Variants in RHBDF2 observed in about 807,000 individuals in gnomAD.
The protein encoded by RHBDF2 is rhomboid 5 homolog 2.
In RHBDF2, 38 loss-of-function variants were observed where a neutral mutation model predicts 95.2. The ratio of observed to expected loss-of-function variants is 0.40; its 90% CI spans 0.31 to 0.52. The LOEUF (loss-of-function observed/expected upper bound fraction) is 0.52. Among genes scored for constraint, RHBDF2 ranks in the 20% least tolerant of loss-of-function variants. The probability of loss-of-function intolerance (pLI) is 0.56; values close to 1 mark genes in which losing one functional copy is unlikely to be tolerated. For synonymous variants in RHBDF2, 442 were observed against 462.0 expected (o/e 0.96, Z 0.55); for missense variants, 863 against 1,137.7 (o/e 0.76, Z 3.47).
Position 76,472,703 on chromosome 17 carries a change from G to C in RHBDF2, c.2047C>G (p.Leu683Val). 6.2e-7 allele frequency: 1 copy of C among 1,614,108 alleles called. No homozygotes were observed. The highest frequency in any genetic ancestry group is 8.5e-7 in the Non-Finnish European group (1 of 1,180,030). The change falls in exon 18 of 19, where the codon CTC becomes GTC. Residue 683 changes from leucine (L) to valine (V), a missense_variant. Around this residue, in one of 2 missense-constraint regions of RHBDF2, gnomAD observed 252 missense variants for 412.2 expected, o/e 0.61. Coordinates refer to ENST00000675367, the MANE Select transcript of RHBDF2 (RefSeq NM_001005498.4). Reference protein sequence around the residue: ...ITGNLASAIFLPYRAEVGPAG... With the variant: ...ITGNLASAIFVPYRAEVGPAG... Reference sequence around the variant, plus strand: ...ATCCTTACCTCTGCCCGGTATGGGAGAAAGATGGCACTGGCGAGGTTGCCT... The same window carrying C: ...ATCCTTACCTCTGCCCGGTATGGGACAAAGATGGCACTGGCGAGGTTGCCT...
chr17:76,499,408 A>G (rs553659050), intron 1 of RHBDF2, among the ~76,000 whole-genome samples: 2 of 152,238 alleles, frequency 1.3e-5, no homozygotes, highest in African/African-American at 4.8e-5. Context: ...CTGGAAGTAC[A>G]TTCCTCCAGC....
At position 76,479,802 on chromosome 17, in the gene RHBDF2, C is replaced by T. The variant is rs200821841; in HGVS notation, c.203G>A (p.Arg68Gln). 1.3e-4 allele frequency: 210 copies of T among 1,613,246 alleles called. No individual in the cohort carries two copies. The highest frequency in any genetic ancestry group is 6.7e-4 in the East Asian group (30 of 44,806). ...KSVSLQEPRS[R>Q]WQESSEKRPG... The stretch of plus-strand genomic sequence containing the variant: ...GCGCTTCTCTGAACTCTCCTGCCAT[C>T]GGCTGCGTGGCTCCTGGAGGCTGAC... Residue 68 changes from arginine to glutamine, a missense_variant, in exon 4 of 19, where the codon CGA becomes CAA. This residue lies in a region of RHBDF2 where 611 missense variants were observed against 725.5 expected (regional missense o/e 0.84). Coordinates refer to ENST00000675367, the MANE Select transcript of RHBDF2 (RefSeq NM_001005498.4).
chr17:76,497,024 G>A (rs1255008555), intron 1 of RHBDF2, among the ~76,000 whole-genome samples: 1 of 152,186 alleles, frequency 6.6e-6, no homozygotes, highest in Non-Finnish European at 1.5e-5. Context: ...GCCTCCCAAA[G>A]TGCTGGGATT....
At position 76,473,919 on chromosome 17, in the gene RHBDF2, G is replaced by A; in HGVS notation, c.1575-17C>T. ...TCGCAGGTCCTGGAGACAGGGTTCA[G>A]ATTGGGCTGTGGCACACCCAGCGTG... On this transcript the variant is annotated splice_polypyrimidine_tract_variant and intron_variant, in intron 13 of 18. Coordinates refer to ENST00000675367, the MANE Select transcript of RHBDF2 (RefSeq NM_001005498.4). 1 of 1,613,754 alleles carries A rather than the reference G, an allele frequency of 6.2e-7. No individual in the cohort carries two copies. The highest frequency in any genetic ancestry group is 8.5e-7 in the Non-Finnish European group (1 of 1,179,872).
At position 76,474,257 on chromosome 17, in the gene RHBDF2, C is replaced by T. The variant is rs2073689786; in HGVS notation, c.1465-115G>A. ...AGGGCTCAGTCTCATCTATGGGGGT[C>T]TGGGAAAGGTGGGGCGGGGAGGAGG... On this transcript the variant is annotated intron_variant, in intron 12 of 18. Transcript: ENST00000675367. 5.1e-6 allele frequency: 7 copies of T among 1,372,390 alleles called. No individual in the cohort carries two copies. The Admixed American group carries it at 1.2e-4, about 24-fold the overall frequency. The allele number at this position is 1,372,390 out of a possible 1,614,324, so 85.0% of individuals were successfully genotyped here.
Position 76,476,927 on chromosome 17 carries a change from A to G in RHBDF2, c.1018T>C (p.Tyr340His). 1 of 1,613,898 alleles carries G rather than the reference A, an allele frequency of 6.2e-7. No individual in the cohort carries two copies. Among genetic ancestry groups the G allele is most frequent in the Non-Finnish European group, 8.5e-7 (1 of 1,180,020 alleles). Reference sequence around the variant, plus strand: ...CAGTTGCCCACCACGCCGAGGCCGTAGTGCCGCTTCTTCCGATCAAAGGCA... The same window carrying G: ...CAGTTGCCCACCACGCCGAGGCCGTGGTGCCGCTTCTTCCGATCAAAGGCA... ...HFAFDRKKRH[Y>H]GLGVVGNWLN... Residue 340 changes from tyrosine to histidine, a missense_variant, in exon 9 of 19, where the codon TAC becomes CAC. Physicochemically the swap from Tyr to His is moderately conservative, Grantham distance 83. Transcript: ENST00000675367.
chr17:76,488,048 C>CTT (rs1252836485), intron 1 of RHBDF2, 139 bp from the exon 2 acceptor site: 1 of 152,266 alleles, frequency 6.6e-6, no homozygotes, highest in Non-Finnish European at 1.5e-5. Context: ...GCTAATCAGG[C>CTT]ATCTCCGAGT....
At chr17:76,477,079 C>T in intron 8 of RHBDF2, 55 bp from the exon 9 acceptor site, 1 of 1,611,644 alleles carries the variant, frequency 6.2e-7, no homozygotes, top group South Asian at 1.1e-5. Flanking sequence ...CTCCCAGACC[C>T]CACCAGGGTG....
At position 76,474,810 on chromosome 17, in the gene RHBDF2, G is replaced by A. The variant is rs748331992; in HGVS notation, c.1228-6C>T. Reference sequence around the variant, plus strand: ...ACACCTTTGTTCCGCAGCACCTATCGTGGAGGTAGCACAGAGGAGGGCGTC... The same window carrying A: ...ACACCTTTGTTCCGCAGCACCTATCATGGAGGTAGCACAGAGGAGGGCGTC... On this transcript the variant is annotated splice_polypyrimidine_tract_variant and splice_region_variant and intron_variant, in intron 10 of 18. Transcript: ENST00000675367. 1.5e-5 allele frequency: 25 copies of A among 1,613,076 alleles called. No individual in the cohort carries two copies. The highest frequency in any genetic ancestry group is 2.2e-5 in the East Asian group (1 of 44,858).
chr17:76,498,121 G>A (rs1598177341), intron 1 of RHBDF2, among the ~76,000 whole-genome samples: 1 of 152,182 alleles, frequency 6.6e-6, no homozygotes, highest in African/African-American at 2.4e-5. Context: ...TCTCCTGGGA[G>A]GCAAAACGAC....
Position 76,476,989 on chromosome 17 carries a change from C to CG in RHBDF2, c.955dup (p.Arg319ProfsTer16). 6.2e-7 allele frequency: 1 copy of CG among 1,613,876 alleles called. No homozygotes were observed. Among genetic ancestry groups the CG allele is most frequent in the Non-Finnish European group, 8.5e-7 (1 of 1,180,036 alleles). Reference sequence around the variant, plus strand: ...CTTGGAGGCGATGCGCTTGCCGCGCCGGGGCCCGGGGACTGGGGCTCGGCC... The same window carrying CG: ...CTTGGAGGCGATGCGCTTGCCGCGCCGGGGGCCCGGGGACTGGGGCTCGGCC... On this transcript the variant is annotated frameshift_variant, in exon 9 of 19. Transcript: ENST00000675367. LOFTEE classifies it high-confidence loss of function.
In RHBDF2 at chr17:76,500,339, T is replaced by C. The variant is rs112913575; in HGVS notation, c.-220+1014A>G. 2.4e-3 allele frequency among the ~76,000 whole-genome samples: 372 copies of C among 152,264 alleles called. 1 individual carries two copies. Among genetic ancestry groups the C allele is most frequent in the Middle Eastern group, 0.01 (3 of 294 alleles). Reference sequence around the variant, plus strand: ...CCAAAATGACTCCAACATTGCCAAATATCCCATGGCAGGCAAAGTCGCCCC... The same window carrying C: ...CCAAAATGACTCCAACATTGCCAAACATCCCATGGCAGGCAAAGTCGCCCC... On this transcript the variant is annotated intron_variant, in intron 1 of 18. Coordinates refer to ENST00000675367, the MANE Select transcript of RHBDF2 (RefSeq NM_001005498.4).
At chr17:76,495,682 G>A (rs1408840310) in intron 1 of RHBDF2, among the ~76,000 whole-genome samples, 1 of 152,114 alleles carries the variant, frequency 6.6e-6, no homozygotes. Flanking sequence ...AGAGCCCAGG[G>A]AGCCGACGGC....
At chr17:76,492,584 C>T (rs78828792) in intron 1 of RHBDF2, among the ~76,000 whole-genome samples, 9,214 of 152,274 alleles carry the variant, frequency 0.061, 389 homozygotes, top group Non-Finnish European at 0.094. Flanking sequence ...CTCCTCCACG[C>T]GGGCCCAGCC....
At chr17:76,482,047 C>T (rs1349945810) in intron 2 of RHBDF2, among the ~76,000 whole-genome samples, 1 of 147,536 alleles carries the variant, frequency 6.8e-6, no homozygotes, top group Non-Finnish European at 1.5e-5. Flanking sequence ...CCAGCCTGAA[C>T]CAGGCTGAAC....
intron 3 of RHBDF2, 151 bp from the exon 4 acceptor site, chr17:76,480,005 T>A: frequency 1.5e-6 from 1 of 665,472 alleles, no homozygotes; most frequent in Non-Finnish European, 2.2e-6. Flanking sequence ...TATATATATA[T>A]AATGTGTGTG....
At chr17:76,498,307 C>A (rs1255702145) in intron 1 of RHBDF2, among the ~76,000 whole-genome samples, 1 of 152,234 alleles carries the variant, frequency 6.6e-6, no homozygotes, top group Admixed American at 6.5e-5. Flanking sequence ...CGACAGCCAG[C>A]GCTTCCACAG....
In RHBDF2 at chr17:76,475,105, G is replaced by C; in HGVS notation, c.1152C>G (p.Val384=). 6.2e-7 allele frequency: 1 copy of C among 1,600,344 alleles called. No individual in the cohort carries two copies. The highest frequency in any genetic ancestry group is 1.1e-5 in the South Asian group (1 of 88,324). ...YFTYWLTFVH[V]IITLLVICTY... is the part of the protein sequence containing the mutation. ...TGCAAATCACCAGCAGCGTGATGATGACATGGACGAAGGTCAGCCAGTAGG... is the reference window on the plus strand; with the variant it reads ...TGCAAATCACCAGCAGCGTGATGATCACATGGACGAAGGTCAGCCAGTAGG... The change falls in exon 10 of 19, where the codon GTC becomes GTG. Residue 384 remains valine (V), a synonymous_variant. Coordinates refer to ENST00000675367, the MANE Select transcript of RHBDF2 (RefSeq NM_001005498.4).
chr17:76,476,847 C>T lies in RHBDF2; in HGVS notation c.1098G>A (p.Glu366=). Residue 366 remains glutamate (E), a synonymous_variant, in exon 9 of 19, where the codon GAG becomes GAA. Transcript: ENST00000675367. ...CACCTCACCGGTGGCTGTCGAAGCT[C>T]TCCAGCTGCCGCTGCACAGTGCTGC... is the stretch of plus-strand genomic sequence containing the variant. ...SISSTVQRQL[E]SFDSHRPYFT... 1.1e-5 allele frequency: 17 copies of T among 1,608,290 alleles called. No individual in the cohort carries two copies. Among genetic ancestry groups the T allele is most frequent in the Non-Finnish European group, 1.4e-5 (17 of 1,178,370 alleles).
Sources: allele counts gnomAD v4.1 joint callset (sites outside exome capture counted in the v4.1 genomes callset), GRCh38; gene constraint gnomAD v4.1.1; regional missense constraint gnomAD v4.1.1; transcripts MANE v1.5; gene names NCBI Gene and HGNC (gene_info 2026-07-23, HGNC 2026-07-21).